The following PPP2R2C variants were observed in gnomAD, a reference collection of about 807,000 sequenced individuals.
The protein encoded by PPP2R2C is protein phosphatase 2 regulatory subunit Bgamma.
Under a neutral mutation model 45.3 loss-of-function variants are expected in PPP2R2C, and 10 were observed. That is an observed-to-expected ratio of 0.22 (90% CI 0.14 to 0.37). The LOEUF is 0.37. PPP2R2C is among the 10% of genes least tolerant of loss of function. The pLI is 1.00. For missense variants in PPP2R2C, 308 were observed against 619.7 expected (o/e 0.50, Z 5.34); for synonymous variants, 257 against 245.4 (o/e 1.05, Z -0.44).
At chr4:6,403,679 A>G (rs983670744) in intron 1 of PPP2R2C, among the ~76,000 whole-genome samples, 3 of 152,130 alleles carry the variant, frequency 2.0e-5, no homozygotes, top group Non-Finnish European at 4.4e-5. Flanking sequence ...CCTGGCCAAC[A>G]TGGTGAAACC....
intron 1 of PPP2R2C, among the ~76,000 whole-genome samples, chr4:6,402,241 T>G (rs1400736898): frequency 6.6e-6 from 1 of 152,216 alleles, no homozygotes; most frequent in East Asian, 1.9e-4. Context: ...ACAGGAAGGC[T>G]GCGCACCCAC....
chr4:6,361,506 T>C (rs1184144376), intron 5 of PPP2R2C, among the ~76,000 whole-genome samples: 1 of 152,256 alleles, frequency 6.6e-6, no homozygotes, highest in Non-Finnish European at 1.5e-5. Flanking sequence ...TGATAACTTC[T>C]GCTTTGCAGG....
chr4:6,563,211 G>C lies in PPP2R2C; in HGVS notation c.-59+349C>G, dbSNP rs982134039. On this transcript the variant is annotated intron_variant, in intron 1 of 9. Transcript: ENST00000506140. The surrounding 1 kb of genome is among the most constrained non-coding windows in gnomAD (Gnocchi z 5.8). ...CGAGACGCTGTGGCTGACACCGGTGGAGCGATCTGCCCTGGCTCGCGCGGC... is the reference window on the plus strand; with the variant it reads ...CGAGACGCTGTGGCTGACACCGGTGCAGCGATCTGCCCTGGCTCGCGCGGC... Among the ~76,000 whole-genome samples, 30 of 152,238 alleles carry C rather than the reference G, an allele frequency of 2.0e-4. No homozygotes were observed. The highest frequency in any genetic ancestry group is 1.7e-3 in the Admixed American group (26 of 15,292).
intron 1 of PPP2R2C, among the ~76,000 whole-genome samples, chr4:6,465,272 T>G (rs73207844): frequency 0.15 from 23,197 of 152,086 alleles, 2,043 homozygotes; most frequent in East Asian, 0.38. Context: ...TAAAATAAGA[T>G]AACTGTTGGC....
At chr4:6,415,757 C>T (rs1056216218) in intron 1 of PPP2R2C, among the ~76,000 whole-genome samples, 3 of 152,212 alleles carry the variant, frequency 2.0e-5, no homozygotes, top group African/African-American at 7.2e-5. Flanking sequence ...GTCATCCAGT[C>T]TAACCCTCTC....
intron 1 of PPP2R2C, among the ~76,000 whole-genome samples, chr4:6,452,756 G>A (rs1720807397): frequency 6.6e-6 from 1 of 152,238 alleles, no homozygotes; most frequent in Admixed American, 6.5e-5. Context: ...CACAGGGTGA[G>A]ACCAGGGGAC....
chr4:6,441,197 G>T (rs1252912940), intron 1 of PPP2R2C, among the ~76,000 whole-genome samples: 1 of 152,066 alleles, frequency 6.6e-6, no homozygotes, highest in African/African-American at 2.4e-5. Context: ...CTGGAAAAAA[G>T]CACCTCAGGG....
chr4:6,328,461 C>T lies in PPP2R2C; in HGVS notation c.1052+801G>A, dbSNP rs930283983. Among the ~76,000 whole-genome samples, 8 of 152,162 alleles carry T rather than the reference C, an allele frequency of 5.3e-5. No homozygotes were observed. Among genetic ancestry groups the T allele is most frequent in the East Asian group, 1.9e-4 (1 of 5,188 alleles). On this transcript the variant is annotated intron_variant, in intron 8 of 8. Transcript: ENST00000382599. This position sits in a 1 kb window ranked among gnomAD's most constrained non-coding sequence, Gnocchi z 4.4. ...TAGGCTTGTCCATTTCAGAATCTTA[C>T]GCCTGGCAGGACCCTGAGCACAAAG...
In PPP2R2C at chr4:6,323,513, G is replaced by T. The variant is rs1242711583; in HGVS notation, c.1133C>A (p.Ser378Ter). 6.2e-7 allele frequency: 1 copy of T among 1,606,226 alleles called. No homozygotes were observed. Reference protein sequence around the residue: ...NTKRDVTLEASRESSKPRAVL... With the variant: ...NTKRDVTLEA ...AGCCCGGGGCTTGCTGCTTTCCCTCGAGGCCTCCAGGGTCACGTCCCGCTT... is the reference window on the plus strand; with the variant it reads ...AGCCCGGGGCTTGCTGCTTTCCCTCTAGGCCTCCAGGGTCACGTCCCGCTT... The change falls in exon 9 of 9, where the codon TCG becomes TAG. Residue 378 changes from serine to a stop codon, truncating the protein, a stop_gained. Coordinates refer to ENST00000382599, the MANE Select transcript of PPP2R2C (RefSeq NM_020416.4). LOFTEE classifies it high-confidence loss of function.
At chr4:6,431,774 G>C (rs1719637273) in intron 1 of PPP2R2C, among the ~76,000 whole-genome samples, 1 of 152,148 alleles carries the variant, frequency 6.6e-6, no homozygotes, top group African/African-American at 2.4e-5. Context: ...CTTCCCAGTG[G>C]TATGGCCTCA....
intron 1 of PPP2R2C, among the ~76,000 whole-genome samples, chr4:6,466,793 T>G (rs963589456): frequency 1.3e-5 from 2 of 152,200 alleles, no homozygotes; most frequent in African/African-American, 2.4e-5. Context: ...AAAAATTTTA[T>G]TAGAATTTGA....
chr4:6,548,744 C>T (rs1725078418), intron 1 of PPP2R2C, among the ~76,000 whole-genome samples: 1 of 152,210 alleles, frequency 6.6e-6, no homozygotes, highest in African/African-American at 2.4e-5. Context: ...CAGTCATTGG[C>T]TGAGGGCTGC....
At chr4:6,369,979 G>C (rs148753893) in intron 5 of PPP2R2C, among the ~76,000 whole-genome samples, 12 of 152,334 alleles carry the variant, frequency 7.9e-5, no homozygotes, top group Non-Finnish European at 1.3e-4. Flanking sequence ...CCATACTCTA[G>C]GGCTTTATGG....
chr4:6,483,725 G>A (rs1389228725), intron 2 of PPP2R2C, among the ~76,000 whole-genome samples: 1 of 152,020 alleles, frequency 6.6e-6, no homozygotes, highest in African/African-American at 2.4e-5. Flanking sequence ...TCAGTCTAGG[G>A]CTTGTCTTTT....
chr4:6,343,256 C>T (rs4689413), intron 6 of PPP2R2C, among the ~76,000 whole-genome samples: 54,964 of 151,990 alleles, frequency 0.36, 10,769 homozygotes, highest in African/African-American at 0.51. Context: ...CCCCAATGTG[C>T]GGCAAATTAA....
chr4:6,460,241 C>T (rs1180235378), intron 1 of PPP2R2C, among the ~76,000 whole-genome samples: 2 of 152,104 alleles, frequency 1.3e-5, no homozygotes, highest in African/African-American at 2.4e-5. Flanking sequence ...AACAAGGTGA[C>T]GAAGGTAAAA....
intron 1 of PPP2R2C, among the ~76,000 whole-genome samples, chr4:6,451,205 C>T (rs112649257): frequency 6.6e-6 from 1 of 152,156 alleles, no homozygotes; most frequent in Non-Finnish European, 1.5e-5. Context: ...ATCGTACCCA[C>T]AGCCACATCC....
intron 2 of PPP2R2C, among the ~76,000 whole-genome samples, chr4:6,521,261 G>C (rs553848126): frequency 9.7e-4 from 148 of 152,296 alleles, no homozygotes; most frequent in South Asian, 3.1e-3. Context: ...AGGGCTTTTG[G>C]GGCTTTATCC....
chr4:6,417,934 T>C (rs532972145), intron 1 of PPP2R2C, among the ~76,000 whole-genome samples: 2 of 152,104 alleles, frequency 1.3e-5, no homozygotes, highest in African/African-American at 4.8e-5. Context: ...AGACTCCCCT[T>C]AGCTCTGGCA....
Sources: allele counts gnomAD v4.1 joint callset (sites outside exome capture counted in the v4.1 genomes callset), GRCh38; gene constraint gnomAD v4.1.1; non-coding constraint Gnocchi (gnomAD v3.1); transcripts MANE v1.5; gene names NCBI Gene and HGNC (gene_info 2026-07-23, HGNC 2026-07-21).